RASAL1: variants seen among roughly 807,000 people sequenced by gnomAD.
The protein encoded by RASAL1 is RAS protein activator like 1.
In RASAL1, 72 loss-of-function variants were observed where a neutral mutation model predicts 96.6. The observed-to-expected ratio is 0.75, with a 90% CI of 0.62 to 0.91. The LOEUF (loss-of-function observed/expected upper bound fraction) is 0.91. RASAL1 is among the 40% of genes least tolerant of loss of function. The pLI is 0.00. For missense variants in RASAL1, 1,016 were observed against 1,072.5 expected (o/e 0.95, Z 0.74); for synonymous variants, 405 against 430.4 (o/e 0.94, Z 0.73).
chr12:113,126,453 G>C (rs1951483566), intron 4 of RASAL1, among the ~76,000 whole-genome samples: 1 of 152,100 alleles, frequency 6.6e-6, no homozygotes, highest in South Asian at 2.1e-4. Flanking sequence ...GGCCAAGGCA[G>C]GTGGATCACT....
chr12:113,121,611 C>G lies in RASAL1; in HGVS notation c.326G>C (p.Arg109Pro), dbSNP rs1390686605. The part of the protein sequence containing the change: ...RGIDSWINLS[R>P]VDPDAEVQGE... ...CTGCACTTCTGCATCTGGGTCCACT[C>G]GGCTCAAGTTAATCCAGCTGTCAAT... Residue 109 changes from arginine to proline, a missense_variant, in exon 5 of 21, where the codon CGA becomes CCA. Coordinates refer to ENST00000548055, the MANE Select transcript of RASAL1 (RefSeq NM_001301202.2). 1.2e-6 allele frequency: 2 copies of G among 1,614,106 alleles called. No homozygotes were observed. Among genetic ancestry groups the G allele is most frequent in the Non-Finnish European group, 1.7e-6 (2 of 1,180,052 alleles).
At chr12:113,136,446 A>G (rs1247181749), upstream of RASAL1, among the ~76,000 whole-genome samples, 1 of 152,206 alleles carries the variant, frequency 6.6e-6, no homozygotes, top group East Asian at 1.9e-4. Context: ...TGCACTACAC[A>G]CTACTCCACT....
chr12:113,130,600 C>T lies in RASAL1; in HGVS notation c.122+285G>A, dbSNP rs1226506228. The stretch of plus-strand genomic sequence containing the variant: ...CCCGGAACCAACCAGTCCAGCCAAG[C>T]GTGAGATGCCCGCCCCCAGGGAGGC... On this transcript the variant is annotated intron_variant, in intron 2 of 20. Coordinates refer to ENST00000548055, the MANE Select transcript of RASAL1 (RefSeq NM_001301202.2). This position sits in a 1 kb window ranked among gnomAD's most constrained non-coding sequence, Gnocchi z 5.1. Among the ~76,000 whole-genome samples, 2 of 152,150 alleles carry T rather than the reference C, an allele frequency of 1.3e-5. No individual in the cohort carries two copies. The highest frequency in any genetic ancestry group is 4.8e-5 in the African/African-American group (2 of 41,422).
intron 11 of RASAL1, 72 bp from the exon 12 acceptor site, chr12:113,114,984 G>C: frequency 7.8e-7 from 1 of 1,278,384 alleles, no homozygotes; most frequent in Non-Finnish European, 1.1e-6. Flanking sequence ...CTGGGCGCAG[G>C]GGGGACCATG....
chr12:113,103,227 T>C (rs1175275700), intron 18 of RASAL1: 1 of 147,360 alleles, frequency 6.8e-6, no homozygotes, highest in Non-Finnish European at 1.5e-5. Flanking sequence ...TTTTATATAA[T>C]AACAATGTTA....
At chr12:113,126,264 G>A (rs540650693) in intron 4 of RASAL1, among the ~76,000 whole-genome samples, 1 of 152,144 alleles carries the variant, frequency 6.6e-6, no homozygotes, top group African/African-American at 2.4e-5. Context: ...CAGCCTGGGC[G>A]ACAGAGCAAG....
chr12:113,135,667 T>C lies in RASAL1; in HGVS notation c.-205A>G, dbSNP rs971116745. The C allele has an allele frequency of 2.1e-5, 11 of 525,966 alleles. No homozygotes were observed. The Admixed American group carries it at 3.2e-4, about 15-fold the overall frequency. 32.6% of individuals were successfully genotyped at this position (525,966 alleles called of 1,614,324 possible). A position where few individuals can be genotyped will look rare whatever the true frequency, so the allele number is the denominator to read the frequency against. On this transcript the variant is annotated 5_prime_UTR_variant, in exon 1 of 21. Transcript: ENST00000548055. This position sits in a 1 kb window ranked among gnomAD's most constrained non-coding sequence, Gnocchi z 5.7. The stretch of plus-strand genomic sequence containing the variant: ...GGGGAGGGAGCGCCCGTCCGGACTC[T>C]ACAGGTAGGAGCCGTGCTCCGAGCA...
intron 4 of RASAL1, among the ~76,000 whole-genome samples, chr12:113,122,296 C>T (rs1951325905): frequency 6.6e-6 from 1 of 152,168 alleles, no homozygotes; most frequent in Non-Finnish European, 1.5e-5. Context: ...AAATCTTGGA[C>T]ATTTCTCCCC....
At chr12:113,101,482 T>C (rs1950441109) in intron 19 of RASAL1, among the ~76,000 whole-genome samples, 1 of 152,234 alleles carries the variant, frequency 6.6e-6, no homozygotes, top group African/African-American at 2.4e-5. Context: ...GGTCACGATT[T>C]GAACCCAGAC....
chr12:113,101,506 A>G (rs1046391913), intron 19 of RASAL1, among the ~76,000 whole-genome samples: 1 of 152,244 alleles, frequency 6.6e-6, no homozygotes, highest in Non-Finnish European at 1.5e-5. Flanking sequence ...TCAGCTTCAG[A>G]ACCCACTCTA....
chr12:113,115,279 G>A lies in RASAL1; in HGVS notation c.1004-15C>T. 1 of 1,610,064 alleles carries A rather than the reference G, an allele frequency of 6.2e-7. No individual in the cohort carries two copies. Among genetic ancestry groups the A allele is most frequent in the South Asian group, 1.1e-5 (1 of 90,990 alleles). ...GTTGGGGTCCACTGGGAGGACAGGA[G>A]GAAGTGTTTGCTGGGATTTAGGGAG... On this transcript the variant is annotated splice_polypyrimidine_tract_variant and intron_variant, in intron 10 of 20. Coordinates refer to ENST00000548055, the MANE Select transcript of RASAL1 (RefSeq NM_001301202.2). The surrounding 1 kb of genome is among the most constrained non-coding windows in gnomAD (Gnocchi z 4.1).
chr12:113,121,624 T>A lies in RASAL1; in HGVS notation c.313A>T (p.Ile105Phe). The A allele has an allele frequency of 6.2e-7, 1 of 1,614,190 alleles. No homozygotes were observed. Among genetic ancestry groups the A allele is most frequent in the Non-Finnish European group, 8.5e-7 (1 of 1,180,034 alleles). The change falls in exon 5 of 21, where the codon ATT (isoleucine) becomes TTT (phenylalanine). Residue 105 changes from isoleucine (I) to phenylalanine (F), a missense_variant. Transcript: ENST00000548055. Reference protein sequence around the residue: ...TADPRGIDSWINLSRVDPDAE... With the variant: ...TADPRGIDSWFNLSRVDPDAE... ...TCTGGGTCCACTCGGCTCAAGTTAA[T>A]CCAGCTGTCAATCCCTGAAGGGCAC...
rs4007310 is a variant in RASAL1, at chr12:113,128,245, G to GACACACAC, written c.123-75_123-68dup. ...CAGGAGGCAGACACCTGGAGACCCA[G>GACACACAC]ACACACACACACACACACACACACA... On this transcript the variant is annotated intron_variant, in intron 2 of 20. Coordinates refer to ENST00000548055, the MANE Select transcript of RASAL1 (RefSeq NM_001301202.2). 570 of 566,752 alleles carry GACACACAC rather than the reference G, an allele frequency of 1.0e-3. 2 individuals carry two copies. In the East Asian group the frequency reaches 0.012, roughly 11 times the overall value. 35.1% of individuals were successfully genotyped at this position (566,752 alleles called of 1,614,324 possible).
intron 13 of RASAL1, among the ~76,000 whole-genome samples, chr12:113,110,582 T>C (rs1284872): frequency 0.29 from 43,791 of 152,088 alleles, 7,414 homozygotes; most frequent in Middle Eastern, 0.43. Context: ...CCAAAGTGTT[T>C]TTGTGTGTTT....
At position 113,112,221 on chromosome 12, in the gene RASAL1, C is replaced by T; in HGVS notation, c.1239G>A (p.Gly413=). ...SEEQMRETSL[G]LLTGYLGPIV... ...TGGGCCCCAGGTAGCCCGTCAGCAG[C>T]CCCAGGCTGGTCTCCCGCATCTGCT... The change falls in exon 13 of 21, where the codon GGG becomes GGA. Residue 413 remains glycine, a synonymous_variant. Coordinates refer to ENST00000548055, the MANE Select transcript of RASAL1 (RefSeq NM_001301202.2). 1 of 1,265,914 alleles carries T rather than the reference C, an allele frequency of 7.9e-7. No homozygotes were observed. The highest frequency in any genetic ancestry group is 1.0e-6 in the Non-Finnish European group (1 of 997,278). The allele number at this position is 1,265,914 out of a possible 1,614,324, so 78.4% of individuals were successfully genotyped here. A position where few individuals can be genotyped will look rare whatever the true frequency, so the allele number is the denominator to read the frequency against.
At chr12:113,117,862 G>A (rs1951146565) in intron 7 of RASAL1, among the ~76,000 whole-genome samples, 1 of 149,706 alleles carries the variant, frequency 6.7e-6, no homozygotes, top group African/African-American at 2.4e-5. Context: ...GTTCATCCAC[G>A]TGCCAGTACG....
At chr12:113,126,442 A>G (rs1285286704) in intron 4 of RASAL1, among the ~76,000 whole-genome samples, 1 of 152,100 alleles carries the variant, frequency 6.6e-6, no homozygotes, top group African/African-American at 2.4e-5. Flanking sequence ...GCACTTTGGG[A>G]GGCCAAGGCA....
At chr12:113,107,290 T>C (rs1950683200) in intron 14 of RASAL1, 49 bp from the exon 15 acceptor site, 15 of 1,521,530 alleles carry the variant, frequency 9.9e-6, no homozygotes, top group Admixed American at 4.2e-5. Flanking sequence ...CAGCAGAGGG[T>C]AGGGCCCCTC....
At chr12:113,134,184 A>G (rs1334473226) in intron 1 of RASAL1, among the ~76,000 whole-genome samples, 1 of 152,222 alleles carries the variant, frequency 6.6e-6, no homozygotes, top group Non-Finnish European at 1.5e-5. Context: ...GTCAGAGCAC[A>G]CACTCTGCTT....
Sources: gnomAD v4.1 joint callset for allele counts (sites outside exome capture counted in the v4.1 genomes callset) on GRCh38, gnomAD v4.1.1 for gene constraint, Gnocchi (gnomAD v3.1) non-coding constraint, MANE v1.5 for transcripts, NCBI Gene and HGNC (gene_info 2026-07-23, HGNC 2026-07-21) for gene names.